The following DMXL1 variants were observed in gnomAD, a reference collection of about 807,000 sequenced individuals.
DMXL1 encodes the protein dmX-like protein 1.
Under a neutral mutation model 319.2 loss-of-function variants are expected in DMXL1, and 99 were observed. That is an observed-to-expected ratio of 0.31 (90% CI 0.26 to 0.37). The LOEUF (loss-of-function observed/expected upper bound fraction) is 0.37. Among genes scored for constraint, DMXL1 ranks in the 10% least tolerant of loss-of-function variants. The pLI is 1.00. For synonymous variants in DMXL1, 1,385 were observed against 1,235.2 expected (o/e 1.12, Z -2.54); for missense variants, 3,745 against 3,595.6 (o/e 1.04, Z -1.06).
intron 29 of DMXL1, among the ~76,000 whole-genome samples, chr5:119,191,525 C>A (rs1187618531): frequency 6.6e-6 from 1 of 152,138 alleles, no homozygotes; most frequent in African/African-American, 2.4e-5. Flanking sequence ...ATTTCACCTC[C>A]ATATTTTGAA....
chr5:119,132,995 G>A (rs1454557790), intron 10 of DMXL1, 137 bp from the exon 11 acceptor site: 40 of 812,092 alleles, frequency 4.9e-5, no homozygotes, highest in East Asian at 2.9e-4. Flanking sequence ...GAGGTGTGGC[G>A]GAAGGGGTAC....
chr5:119,081,997 T>TTATA (rs144946899), intron 1 of DMXL1, among the ~76,000 whole-genome samples: 3,831 of 115,956 alleles, frequency 0.033, 120 homozygotes, highest in Non-Finnish European at 0.036. Flanking sequence ...TTTCTTAAGG[T>TTATA]TATATATATA....
At chr5:119,220,018 T>C (rs1308324771) in intron 35 of DMXL1, among the ~76,000 whole-genome samples, 16 of 152,052 alleles carry the variant, frequency 1.1e-4, no homozygotes, top group Non-Finnish European at 1.5e-5. Flanking sequence ...TTCTTTTTTT[T>C]TTTTTTGCCT....
intron 9 of DMXL1, among the ~76,000 whole-genome samples, chr5:119,125,003 A>G (rs558225232): frequency 6.6e-6 from 1 of 152,356 alleles, no homozygotes; most frequent in South Asian, 2.1e-4. Context: ...TTAAACATTT[A>G]TGGTTAAATA....
At chr5:119,187,663 TTTG>T (rs768595074) in intron 28 of DMXL1, among the ~76,000 whole-genome samples, 23 of 152,206 alleles carry the variant, frequency 1.5e-4, no homozygotes, top group Middle Eastern at 3.4e-3. Flanking sequence ...AAGTGTTGTT[TTTG>T]TTGTTGTTGT....
chr5:119,170,377 C>T lies in DMXL1; in HGVS notation c.5586C>T (p.Ala1862=). 2 of 1,613,942 alleles carry T rather than the reference C, an allele frequency of 1.2e-6. No homozygotes were observed. The highest frequency in any genetic ancestry group is 3.3e-5 in the Admixed American group (2 of 59,996). ...LSERRLFFTT[A]SAHLKAGCPM... is the part of the protein sequence containing the mutation. ...AAAGACGTTTATTTTTTACCACTGC[C>T]AGTGCTCATTTAAAAGCTGGCTGCC... The change falls in exon 24 of 44, where the codon GCC becomes GCT. Residue 1862 remains alanine, a synonymous_variant. Transcript: ENST00000539542.
At position 119,165,289 on chromosome 5, in the gene DMXL1, A is replaced by T. The variant is rs1303789044; in HGVS notation, c.4970+9A>T. On this transcript the variant is annotated intron_variant, in intron 21 of 43. Coordinates refer to ENST00000539542, the MANE Select transcript of DMXL1 (RefSeq NM_001290321.3). ...ATTTGGGGATTATATAGGTAGGTAA[A>T]AAAAAAAAAAAAAAAGGGTGCTTCA... 8.8e-6 allele frequency: 5 copies of T among 566,120 alleles called. No individual in the cohort carries two copies. Among genetic ancestry groups the T allele is most frequent in the South Asian group, 4.3e-5 (1 of 23,310 alleles). 35.1% of individuals were successfully genotyped at this position (566,120 alleles called of 1,614,324 possible).
chr5:119,203,500 C>G, intron 33 of DMXL1, 64 bp downstream of exon 33: 2 of 921,850 alleles, frequency 2.2e-6, no homozygotes, highest in Non-Finnish European at 3.1e-6. Flanking sequence ...ATCATGTAAC[C>G]ATTAAAATGA....
At position 119,163,095 on chromosome 5, in the gene DMXL1, ATGT is replaced by A. The variant is rs1290565242; in HGVS notation, c.4703-1408_4703-1406del. ...GTTGAGAGAATTACTGACATAAATG[ATGT>A]TGTATAAATATACAAATATCTTATT... On this transcript the variant is annotated intron_variant, in intron 19 of 43. Transcript: ENST00000539542. 6.6e-5 allele frequency among the ~76,000 whole-genome samples: 10 copies of A among 152,234 alleles called. No homozygotes were observed. The East Asian group carries it at 7.7e-4, about 12-fold the overall frequency.
rs1315007247 is a variant in DMXL1 at position 119,200,319 on chromosome 5, A to G, written c.7745+2363A>G. Among the ~76,000 whole-genome samples the G allele has an allele frequency of 3.3e-5, 5 of 152,150 alleles. No individual in the cohort carries two copies. In the East Asian group the frequency reaches 9.6e-4, roughly 29 times the overall value. On this transcript the variant is annotated intron_variant, in intron 32 of 43. Transcript: ENST00000539542. ...CTAGCCGGTTATCCCAGCACCATTT[A>G]TAGAATAGGGAGTCTTTTCTTGATT...
At chr5:119,147,668 T>C (rs2150129404) in intron 17 of DMXL1, 198 bp downstream of exon 17, 1 of 446,194 alleles carries the variant, frequency 2.2e-6, no homozygotes, top group East Asian at 3.4e-5. Context: ...CCAGTTCTAG[T>C]CTTAAATATT....
chr5:119,145,217 C>G (rs1445963286), intron 15 of DMXL1, among the ~76,000 whole-genome samples: 3 of 151,744 alleles, frequency 2.0e-5, no homozygotes. Context: ...ACAGTATGTG[C>G]CTGTTGCACA....
chr5:119,228,420 G>T (rs1437595918), intron 38 of DMXL1, among the ~76,000 whole-genome samples: 1 of 152,102 alleles, frequency 6.6e-6, no homozygotes, highest in African/African-American at 2.4e-5. Flanking sequence ...TGCTTCTGTG[G>T]CATACAATAT....
chr5:119,098,835 A>G (rs1165222169), intron 2 of DMXL1, among the ~76,000 whole-genome samples: 1 of 152,178 alleles, frequency 6.6e-6, no homozygotes, highest in African/African-American at 2.4e-5. Context: ...GAACTTCGCA[A>G]ATACACTCAT....
rs2150371252 is a variant in DMXL1 at position 119,189,877 on chromosome 5, C to T, written c.7305C>T (p.Phe2435=). Reference sequence around the variant, plus strand: ...CTGAGCTCAGTATCTGGGACTATTTCATAGCTAAGGTAATTAAAATGCTAT... The same window carrying T: ...CTGAGCTCAGTATCTGGGACTATTTTATAGCTAAGGTAATTAAAATGCTAT... The part of the protein sequence containing the change: ...IPPELSIWDY[F]IAKPFLPSSQ... The change falls in exon 29 of 44, where the codon TTC becomes TTT. Residue 2435 remains phenylalanine, a synonymous_variant. Coordinates refer to ENST00000539542, the MANE Select transcript of DMXL1 (RefSeq NM_001290321.3). 1 of 1,613,352 alleles carries T rather than the reference C, an allele frequency of 6.2e-7. No individual in the cohort carries two copies. Among genetic ancestry groups the T allele is most frequent in the Non-Finnish European group, 8.5e-7 (1 of 1,179,518 alleles).
intron 34 of DMXL1, among the ~76,000 whole-genome samples, chr5:119,213,126 T>C (rs571254477): frequency 6.6e-6 from 1 of 152,308 alleles, no homozygotes; most frequent in Non-Finnish European, 1.5e-5. Context: ...AATAAATTGC[T>C]CTGTAGCAAA....
At chr5:119,075,344 G>C (rs1750593433) in intron 1 of DMXL1, among the ~76,000 whole-genome samples, 1 of 149,332 alleles carries the variant, frequency 6.7e-6, no homozygotes, top group South Asian at 2.1e-4. Flanking sequence ...GGTTCAAGCT[G>C]TTCTCGTGCC....
chr5:119,082,992 A>AGAAT (rs1215203067), intron 1 of DMXL1, among the ~76,000 whole-genome samples: 2 of 152,202 alleles, frequency 1.3e-5, no homozygotes, highest in African/African-American at 4.8e-5. Flanking sequence ...TATGTCACTT[A>AGAAT]GAATGACCTC....
intron 32 of DMXL1, among the ~76,000 whole-genome samples, chr5:119,202,624 G>T (rs1780907158): frequency 6.6e-6 from 1 of 151,812 alleles, no homozygotes; most frequent in African/African-American, 2.4e-5. Context: ...GGCCGAAGTG[G>T]GTGGATCACC....
Sources: gnomAD v4.1 joint callset for allele counts (sites outside exome capture counted in the v4.1 genomes callset) on GRCh38, gnomAD v4.1.1 for gene constraint, MANE v1.5 for transcripts, NCBI Gene and HGNC (gene_info 2026-07-23, HGNC 2026-07-21) for gene names.